The following NRDC variants were observed in gnomAD, a reference collection of about 807,000 sequenced individuals.
NRDC encodes nardilysin.
NRDC carries 54 observed loss-of-function variants against 147.1 expected under a neutral mutation model. That is an observed-to-expected ratio of 0.37 (90% confidence interval 0.29 to 0.46). NRDC has a LOEUF of 0.46. Ranked by LOEUF, NRDC falls within the 20% of genes least tolerant of loss-of-function variation. The pLI is 1.00. For missense variants in NRDC, 1,082 were observed against 1,370.6 expected, an observed-to-expected ratio of 0.79 and a Z score of 3.33; for synonymous variants, 440 against 482.1, an observed-to-expected ratio of 0.91 and a Z score of 1.14.
At chr1:51,878,052 G>A in intron 1 of NRDC, 1 of 1,398,580 alleles carries the variant, frequency 7.2e-7, no homozygotes, top group Non-Finnish European at 9.3e-7. Context: ...GACTCGAAAA[G>A]CTTCTCCCAT....
chr1:51,836,204 C>T lies in NRDC; in HGVS notation c.639G>A (p.Ala213=), dbSNP rs760531095. ...AACTCCCAACTCCAACACAAAGAGC[C>T]GCTGCAGACTGGAGTAATTAGAACA... The part of the protein sequence containing the change: ...RKKTTEKQSA[A]ALCVGVGSFA... Residue 213 remains alanine, a synonymous_variant, in exon 3 of 31, where the codon GCG becomes GCA. Transcript: ENST00000352171. 4 of 1,614,074 alleles carry T rather than the reference C, an allele frequency of 2.5e-6. No homozygotes were observed. The highest frequency in any genetic ancestry group is 1.1e-5 in the South Asian group (1 of 91,076).
chr1:51,836,829 T>C (rs565949876), intron 2 of NRDC, among the ~76,000 whole-genome samples: 125 of 152,194 alleles, frequency 8.2e-4, no homozygotes, highest in Non-Finnish European at 1.7e-3. Flanking sequence ...TAATTGAAGA[T>C]ATACAGCATA....
chr1:51,815,056 A>G (rs1346718467), intron 11 of NRDC, among the ~76,000 whole-genome samples: 1 of 152,238 alleles, frequency 6.6e-6, no homozygotes, highest in Non-Finnish European at 1.5e-5. Context: ...TAATGCAAAT[A>G]CGAATAGATA....
At chr1:51,845,620 T>A (rs78684227) in intron 1 of NRDC, among the ~76,000 whole-genome samples, 6 of 148,726 alleles carry the variant, frequency 4.0e-5, no homozygotes, top group Admixed American at 1.3e-4. Flanking sequence ...AGAAAAGAAA[T>A]GTCCCGTTTT....
In NRDC at chr1:51,800,657, G is replaced by A; in HGVS notation, c.2340C>T (p.Tyr780=). The change falls in exon 21 of 31, where the codon TAC becomes TAT. Residue 780 remains tyrosine, a synonymous_variant. Transcript: ENST00000352171. ...CTGGTGTGGAATTGAACTCAGCTAA[G>A]TAGTCAATAATGAGCTGAAACAGTA... ...LPLLFQLIID[Y]LAEFNSTPAV... is the part of the protein sequence containing the mutation. 2 of 1,613,776 alleles carry A rather than the reference G, an allele frequency of 1.2e-6. No homozygotes were observed. The highest frequency in any genetic ancestry group is 1.7e-6 in the Non-Finnish European group (2 of 1,179,788).
chr1:51,839,082 A>G (rs934622074), intron 2 of NRDC, among the ~76,000 whole-genome samples: 1 of 152,156 alleles, frequency 6.6e-6, no homozygotes, highest in Non-Finnish European at 1.5e-5. Context: ...TTTTCCAAGA[A>G]GAATAACTAT....
intron 17 of NRDC, among the ~76,000 whole-genome samples, chr1:51,808,580 C>A (rs1394379853): frequency 6.6e-6 from 1 of 152,118 alleles, no homozygotes; most frequent in African/African-American, 2.4e-5. Flanking sequence ...GTGAACAGTG[C>A]TCTGTGAACA....
At chr1:51,819,959 T>G (rs1680140687) in intron 8 of NRDC, 86 bp from the exon 9 acceptor site, 3 of 997,648 alleles carry the variant, frequency 3.0e-6, no homozygotes, top group Non-Finnish European at 4.6e-6. Flanking sequence ...GAGAGATATT[T>G]ATAATCTATT....
At chr1:51,861,459 A>G (rs928054867) in intron 1 of NRDC, among the ~76,000 whole-genome samples, 13 of 151,348 alleles carry the variant, frequency 8.6e-5, no homozygotes, top group Non-Finnish European at 1.5e-5. Flanking sequence ...CTTCCCAAGT[A>G]GCTGGGACTA....
chr1:51,799,194 TCTC>T (rs1679070117), intron 21 of NRDC: 1 of 152,148 alleles, frequency 6.6e-6, no homozygotes, highest in African/African-American at 2.4e-5. Context: ...TGCAGATAAC[TCTC>T]CTTTTTTTAT....
chr1:51,821,696 A>T, intron 7 of NRDC, 141 bp from the exon 8 acceptor site: 1 of 610,998 alleles, frequency 1.6e-6, no homozygotes, highest in South Asian at 2.2e-5. Flanking sequence ...CTCCTGAACC[A>T]GTAATGGATG....
At chr1:51,846,350 G>A (rs1681584231) in intron 1 of NRDC, among the ~76,000 whole-genome samples, 1 of 152,124 alleles carries the variant, frequency 6.6e-6, no homozygotes, top group African/African-American at 2.4e-5. Context: ...CTGACCTCAA[G>A]TGATCCACCC....
At chr1:51,855,530 A>AAATT (rs1682192047) in intron 1 of NRDC, among the ~76,000 whole-genome samples, 1 of 152,204 alleles carries the variant, frequency 6.6e-6, no homozygotes, top group African/African-American at 2.4e-5. Flanking sequence ...TACTAATTTT[A>AAATT]AGTTTTTATA....
At chr1:51,806,660 T>TC in intron 18 of NRDC, 134 bp downstream of exon 18, 1 of 808,218 alleles carries the variant, frequency 1.2e-6, no homozygotes, top group Non-Finnish European at 2.0e-6. Flanking sequence ...TCAAGGTGGC[T>TC]GATAGAGGCA....
chr1:51,791,733 G>A (rs1284919669), intron 26 of NRDC, 72 bp from the exon 27 acceptor site: 4 of 1,257,124 alleles, frequency 3.2e-6, no homozygotes, highest in Admixed American at 3.6e-5. Flanking sequence ...GCACTAGATA[G>A]GAGTGGGAAA....
Position 51,805,585 on chromosome 1 carries a change from A to G in NRDC, c.2111-24T>C. On this transcript the variant is annotated intron_variant, in intron 18 of 30. Coordinates refer to ENST00000352171, the MANE Select transcript of NRDC (RefSeq NM_001101662.2). The stretch of plus-strand genomic sequence containing the variant: ...TGCTAAAAGAAAAAAGACCATAGAT[A>G]AAAAAGGTTAGGGGCCTCAGATATT... 2 of 1,503,982 alleles carry G rather than the reference A, an allele frequency of 1.3e-6. 1 individual carries two copies. Among genetic ancestry groups the G allele is most frequent in the Non-Finnish European group, 1.8e-6 (2 of 1,108,772 alleles). 93.2% of individuals were successfully genotyped at this position (1,503,982 alleles called of 1,614,324 possible).
chr1:51,847,930 C>T (rs1051826874), intron 1 of NRDC, among the ~76,000 whole-genome samples: 2 of 152,220 alleles, frequency 1.3e-5, no homozygotes, highest in African/African-American at 2.4e-5. Flanking sequence ...TGTCACCTCT[C>T]ATTTTGTAAT....
chr1:51,834,276 A>C, intron 3 of NRDC, 106 bp from the exon 4 acceptor site: 13 of 1,107,942 alleles, frequency 1.2e-5, no homozygotes, highest in African/African-American at 4.7e-5. Flanking sequence ...AAATAGACCA[A>C]CACATCAAAT....
At chr1:51,818,035 TA>T in intron 10 of NRDC, 30 bp downstream of exon 10, 1 of 1,541,608 alleles carries the variant, frequency 6.5e-7, no homozygotes, top group Non-Finnish European at 8.9e-7. Context: ...CACTTGGTTC[TA>T]ATGAAGTAAA....
Sources: allele counts gnomAD v4.1 joint callset (sites outside exome capture counted in the v4.1 genomes callset), GRCh38; gene constraint gnomAD v4.1.1; transcripts MANE v1.5; gene names NCBI Gene and HGNC (gene_info 2026-07-23, HGNC 2026-07-21).